PYROXD1: variants seen among roughly 807,000 people sequenced by gnomAD.
PYROXD1 encodes the protein tRNA ligase complex-associated NAD(P)H dehydrogenase PYROXD1.
A neutral mutation model predicts 62.0 loss-of-function variants in PYROXD1; 42 were observed. The observed-to-expected ratio is 0.68, with a 90% CI of 0.53 to 0.88. PYROXD1 has a LOEUF of 0.88. Ranked by LOEUF, PYROXD1 falls within the 40% of genes least tolerant of loss-of-function variation. PYROXD1 has a pLI of 0.00. For missense variants in PYROXD1, 493 were observed against 604.8 expected (o/e 0.82, Z 1.94); for synonymous variants, 170 against 206.4 (o/e 0.82, Z 1.51).
intron 3 of PYROXD1, 106 bp from the exon 4 acceptor site, chr12:21,449,457 T>C (rs1942451152): frequency 9.6e-7 from 1 of 1,042,494 alleles, no homozygotes. Flanking sequence ...GCAACCTTAA[T>C]ATATTATGTT....
intron 10 of PYROXD1, among the ~76,000 whole-genome samples, chr12:21,465,680 A>G (rs1181498296): frequency 6.6e-6 from 1 of 151,982 alleles, no homozygotes; most frequent in Non-Finnish European, 1.5e-5. Context: ...ATTAGATCCC[A>G]TTTGTTAATT....
At position 21,437,782 on chromosome 12, in the gene PYROXD1, G is replaced by T. The variant is rs1012852064; in HGVS notation, c.52G>T (p.Gly18Cys). The T allele has an allele frequency of 1.9e-6, 3 of 1,612,948 alleles. No individual in the cohort carries two copies. The highest frequency in any genetic ancestry group is 2.7e-5 in the African/African-American group (2 of 74,944). The change falls in exon 1 of 12, where the codon GGC (glycine) becomes TGC (cysteine). Residue 18 changes from glycine to cysteine, a missense_variant. This residue lies in a region of PYROXD1 where 164 missense variants were observed against 158.2 expected (regional missense o/e 1.04). Transcript: ENST00000240651. Reference protein sequence around the residue: ...PTAGKFVVVGGGIAGVTCAEQ... With the variant: ...PTAGKFVVVGCGIAGVTCAEQ... ...GGCAGGGAAGTTCGTGGTGGTCGGC[G>T]GCGGCATCGCGGGCGTCACTTGTGC...
At chr12:21,452,590 A>C (rs1942521793) in intron 5 of PYROXD1, among the ~76,000 whole-genome samples, 1 of 152,102 alleles carries the variant, frequency 6.6e-6, no homozygotes, top group Non-Finnish European at 1.5e-5. Flanking sequence ...GTGTCACCCA[A>C]AATGTTTGTG....
chr12:21,442,480 A>T (rs7136265), intron 2 of PYROXD1, among the ~76,000 whole-genome samples: 1 of 151,866 alleles, frequency 6.6e-6, no homozygotes, highest in African/African-American at 2.4e-5. Flanking sequence ...TGCAGTGAGG[A>T]TTGGTTGCAG....
chr12:21,438,026 G>A, intron 1 of PYROXD1: 1 of 579,982 alleles, frequency 1.7e-6, no homozygotes, highest in South Asian at 2.1e-5. Context: ...GGAGTGGGAG[G>A]CAAATTATAG....
At chr12:21,458,775 G>C (rs1053374915) in intron 7 of PYROXD1, among the ~76,000 whole-genome samples, 2 of 152,214 alleles carry the variant, frequency 1.3e-5, no homozygotes, top group Non-Finnish European at 2.9e-5. Context: ...CACTGTGTTA[G>C]ATGGGTGTGG....
At chr12:21,441,444 C>T (rs1942292664) in intron 2 of PYROXD1, 1 of 39,248 alleles carries the variant, frequency 2.5e-5, no homozygotes, top group South Asian at 6.1e-4. Context: ...TAATTCCCTA[C>T]TTCTATGTTC....
At chr12:21,440,872 G>A (rs1942280889) in intron 2 of PYROXD1, among the ~76,000 whole-genome samples, 1 of 152,094 alleles carries the variant, frequency 6.6e-6, no homozygotes, top group Non-Finnish European at 1.5e-5. Flanking sequence ...ATTATGAAAA[G>A]ACGTTTAATT....
chr12:21,446,372 C>T (rs966701696), intron 3 of PYROXD1, among the ~76,000 whole-genome samples: 4 of 152,022 alleles, frequency 2.6e-5, no homozygotes, highest in Non-Finnish European at 5.9e-5. Flanking sequence ...TTGCAGTGAG[C>T]CCAGATCGCA....
intron 2 of PYROXD1, chr12:21,441,271 C>T (rs2137239664): frequency 6.6e-6 from 1 of 152,400 alleles, no homozygotes; most frequent in Middle Eastern, 3.4e-3. Context: ...GATCCATCCA[C>T]CTCGGCCTCC....
chr12:21,453,639 G>GTGA (rs1339418561), intron 5 of PYROXD1, among the ~76,000 whole-genome samples: 1 of 152,022 alleles, frequency 6.6e-6, no homozygotes. Context: ...TCCCCTCTGT[G>GTGA]TGATGATAAT....
chr12:21,461,119 T>C lies in PYROXD1; in HGVS notation c.845T>C (p.Phe282Ser). ...FRILKKKSFTFPRDHKSVTAD... is the reference protein window; with the variant it reads ...FRILKKKSFTSPRDHKSVTAD... ...ATTTTGAAGAAAAAGTCCTTCACTTTTCCAAGAGACCATAAGTCAGTTACA... is the reference window on the plus strand; with the variant it reads ...ATTTTGAAGAAAAAGTCCTTCACTTCTCCAAGAGACCATAAGTCAGTTACA... The change falls in exon 8 of 12, where the codon TTT (phenylalanine) becomes TCT (serine). Residue 282 changes from phenylalanine (F) to serine (S), a missense_variant. Phe to Ser is a radical substitution (Grantham distance 155). This residue lies in a region of PYROXD1 where 329 missense variants were observed against 446.6 expected (regional missense o/e 0.74). Coordinates refer to ENST00000240651, the MANE Select transcript of PYROXD1 (RefSeq NM_024854.5). 6.3e-7 allele frequency: 1 copy of C among 1,587,522 alleles called. No individual in the cohort carries two copies. Among genetic ancestry groups the C allele is most frequent in the Non-Finnish European group, 8.6e-7 (1 of 1,167,772 alleles).
At position 21,469,627 on chromosome 12, in the gene PYROXD1, TATTCTC is replaced by T. The variant is rs967211008; in HGVS notation, c.*875_*880del. ...AAAACTTAAGACAATTACATGAACT[TATTCTC>T]AAATATTTTACATTTTTTGTAAACT... On this transcript the variant is annotated 3_prime_UTR_variant, in exon 12 of 12. Coordinates refer to ENST00000240651, the MANE Select transcript of PYROXD1 (RefSeq NM_024854.5). 1.3e-5 allele frequency: 2 copies of T among 151,730 alleles called. No homozygotes were observed. Among genetic ancestry groups the T allele is most frequent in the African/African-American group, 4.8e-5 (2 of 41,248 alleles). 9.4% of individuals were successfully genotyped at this position (151,730 alleles called of 1,614,324 possible).
chr12:21,438,518 A>G (rs1423822760), intron 1 of PYROXD1: 1 of 152,196 alleles, frequency 6.6e-6, no homozygotes, highest in African/African-American at 2.4e-5. Flanking sequence ...CATCTTAACT[A>G]ATTAATAAAG....
At chr12:21,439,745 C>T (rs1343347387) in intron 1 of PYROXD1, among the ~76,000 whole-genome samples, 9 of 152,220 alleles carry the variant, frequency 5.9e-5, no homozygotes, top group Non-Finnish European at 1.0e-4. Flanking sequence ...TAAGAAAATG[C>T]TTTCAGGTAC....
At chr12:21,445,582 G>A (rs1437237535) in intron 3 of PYROXD1, 116 bp downstream of exon 3, 9 of 1,014,630 alleles carry the variant, frequency 8.9e-6, no homozygotes, top group Non-Finnish European at 1.2e-5. Flanking sequence ...AACATGTAAA[G>A]TTTAGTGACA....
At chr12:21,461,954 G>A (rs1942704829) in intron 8 of PYROXD1, 54 bp from the exon 9 acceptor site, 1 of 1,056,564 alleles carries the variant, frequency 9.5e-7, no homozygotes, top group South Asian at 1.3e-5. Flanking sequence ...CACTGCTGTG[G>A]TGATGGTTCC....
At chr12:21,453,835 A>T (rs7980474) in intron 5 of PYROXD1, among the ~76,000 whole-genome samples, 75,048 of 151,844 alleles carry the variant, frequency 0.49, 18,597 homozygotes, top group Middle Eastern at 0.59. Flanking sequence ...CTTTAAATTT[A>T]AAAATGGTAA....
intron 4 of PYROXD1, among the ~76,000 whole-genome samples, chr12:21,450,266 A>C (rs1490006046): frequency 6.6e-6 from 1 of 152,184 alleles, no homozygotes; most frequent in African/African-American, 2.4e-5. Context: ...GACTGTGCTG[A>C]ATATTAACAA....
Sources: gnomAD v4.1 joint callset for allele counts (sites outside exome capture counted in the v4.1 genomes callset) on GRCh38, gnomAD v4.1.1 for gene constraint, gnomAD v4.1.1 regional missense constraint, MANE v1.5 for transcripts, NCBI Gene and HGNC (gene_info 2026-07-23, HGNC 2026-07-21) for gene names.